Variants in TTN observed in about 807,000 individuals in gnomAD.
TTN encodes connectin.
A neutral mutation model predicts 3,223.0 loss-of-function variants in TTN; 1,525 were observed. The ratio of observed to expected loss-of-function variants is 0.47; its 90% CI spans 0.45 to 0.49. The LOEUF (loss-of-function observed/expected upper bound fraction) is 0.49, where lower values mean the gene tolerates loss of function less well. Ranked by LOEUF, TTN falls within the 20% of genes least tolerant of loss-of-function variation. The pLI is 0.00. For missense variants in TTN, 40,786 were observed against 43,424.0 expected (o/e 0.94, Z 5.40); for synonymous variants, 14,094 against 15,161.0 (o/e 0.93, Z 5.17).
At position 178,747,030 on chromosome 2, in the gene TTN, G is replaced by T. The variant is rs1261782392; in HGVS notation, c.11312-5109C>A. 8.7e-6 allele frequency: 14 copies of T among 1,613,316 alleles called. No homozygotes were observed. The South Asian group carries it at 1.4e-4, about 16-fold the overall frequency. On this transcript the variant is annotated intron_variant, in intron 47 of 362. Coordinates refer to ENST00000589042, the MANE Select transcript of TTN (RefSeq NM_001267550.2). ...GTTTTAAAAGTACCAGTGGGGTTTG[G>T]TCCTCCAGTAGGAATAGAATATCTC...
At chr2:178,793,607 A>G in intron 8 of TTN, 66 bp from the exon 9 acceptor site, 3 of 1,602,410 alleles carry the variant, frequency 1.9e-6, no homozygotes, top group Non-Finnish European at 1.7e-6. Context: ...GTTCAAGACC[A>G]GCCTCGCCAA....
chr2:178,770,994 C>T (rs2091398045), intron 34 of TTN, among the ~76,000 whole-genome samples: 2 of 152,076 alleles, frequency 1.3e-5, no homozygotes, highest in Admixed American at 1.3e-4. Context: ...AGCTGTTTCA[C>T]AGAGCTTTAA....
intron 147 of TTN, 99 bp from the exon 148 acceptor site, chr2:178,676,094 C>A: frequency 9.0e-7 from 1 of 1,115,384 alleles, no homozygotes; most frequent in East Asian, 2.6e-5. Context: ...TGTTAACAGT[C>A]GCTCAAGACA....
chr2:178,722,652 T>C lies in TTN; in HGVS notation c.22240+7A>G, dbSNP rs368101794. On this transcript the variant is annotated splice_region_variant and intron_variant, in intron 76 of 362. Transcript: ENST00000589042. ...AAGAATTTTTTTAATTTGTAAAATA[T>C]CATCACCTTGAATTCTGAACACAGT... The C allele has an allele frequency of 8.1e-6, 13 of 1,596,916 alleles. No individual in the cohort carries two copies. The highest frequency in any genetic ancestry group is 8.0e-5 in the South Asian group (7 of 87,594).
Position 178,730,387 on chromosome 2 carries a change from AAAC to A in TTN, c.18029-19_18029-17del, listed in dbSNP as rs2080230816. 6.4e-7 allele frequency: 1 copy of A among 1,561,100 alleles called. No individual in the cohort carries two copies. The highest frequency in any genetic ancestry group is 8.6e-7 in the Non-Finnish European group (1 of 1,156,668). ...TAAGGGGGTTCTGAGGTGAAAGAAA[AAAC>A]AAGCAAAAGAAAATAGGAAGTTTTA... is the stretch of plus-strand genomic sequence containing the variant. On this transcript the variant is annotated splice_polypyrimidine_tract_variant and intron_variant, in intron 61 of 362. Coordinates refer to ENST00000589042, the MANE Select transcript of TTN (RefSeq NM_001267550.2).
At position 178,556,991 on chromosome 2, in the gene TTN, G is replaced by T. The variant is rs775200192; in HGVS notation, c.88163C>A (p.Thr29388Asn). The change falls in exon 330 of 363, where the codon ACC becomes AAC. Residue 29388 changes from threonine to asparagine, a missense_variant. Thr to Asn is a moderately conservative substitution (Grantham distance 65). Coordinates refer to ENST00000589042, the MANE Select transcript of TTN (RefSeq NM_001267550.2). ...GATGAATTGAGTTTCAGTAACATTG[G>T]TGAAGCTGGCCTTGGTCCATCTGCC... ...PDGRWTKASF[T>N]NVTETQFIIS... 2 of 1,613,792 alleles carry T rather than the reference G, an allele frequency of 1.2e-6. No individual in the cohort carries two copies. Among genetic ancestry groups the T allele is most frequent in the East Asian group, 2.2e-5 (1 of 44,796 alleles).
chr2:178,720,415 C>G lies in TTN; in HGVS notation c.23347G>C (p.Asp7783His). 1 of 1,613,144 alleles carries G rather than the reference C, an allele frequency of 6.2e-7. No homozygotes were observed. The highest frequency in any genetic ancestry group is 8.5e-7 in the Non-Finnish European group (1 of 1,179,436). ...HCKATNEVGS[D>H]TCSCSVKFKE... ...AACTTGACAGAGCAAGAACACGTGT[C>G]ACTTCCCACCTCATTAGTAGCTTTG... is the stretch of plus-strand genomic sequence containing the variant. The change falls in exon 80 of 363, where the codon GAC becomes CAC. Residue 7783 changes from aspartate (D) to histidine (H), a missense_variant. Physicochemically the swap from Asp to His is moderately conservative, Grantham distance 81 (BLOSUM62 -1). Coordinates refer to ENST00000589042, the MANE Select transcript of TTN (RefSeq NM_001267550.2).
intron 165 of TTN, 134 bp downstream of exon 165, chr2:178,665,243 G>T: frequency 1.1e-6 from 1 of 910,838 alleles, no homozygotes; most frequent in Non-Finnish European, 1.7e-6. Flanking sequence ...GAAACTTCCT[G>T]TGGAACCTCA....
At position 178,601,340 on chromosome 2, in the gene TTN, C is replaced by A. The variant is rs1249794224; in HGVS notation, c.55657G>T (p.Val18553Leu). ...ATACCAAAACGGTTTTCTGCTCGCA[C>A]ACGGAAGAAATATTGCTGTTCAGAG... is the stretch of plus-strand genomic sequence containing the variant. ...LLSEQQYFFR[V>L]RAENRFGIGP... Residue 18553 changes from valine to leucine, a missense_variant, in exon 287 of 363, where the codon GTG (valine) becomes TTG (leucine). Val to Leu is a conservative substitution (Grantham distance 32). Coordinates refer to ENST00000589042, the MANE Select transcript of TTN (RefSeq NM_001267550.2). 4 of 1,610,570 alleles carry A rather than the reference C, an allele frequency of 2.5e-6. No homozygotes were observed. The highest frequency in any genetic ancestry group is 3.4e-6 in the Non-Finnish European group (4 of 1,177,826).
intron 119 of TTN, among the ~76,000 whole-genome samples, chr2:178,693,205 TTTA>T (rs2072895848): frequency 6.6e-6 from 1 of 152,096 alleles, no homozygotes; most frequent in Non-Finnish European, 1.5e-5. Flanking sequence ...GTTTTGAGTA[TTTA>T]TTAATATTTA....
Position 178,621,630 on chromosome 2 carries a change from T to C in TTN, c.45194A>G (p.Lys15065Arg), listed in dbSNP as rs776374474. The C allele has an allele frequency of 6.2e-7, 1 of 1,612,512 alleles. No individual in the cohort carries two copies. The highest frequency in any genetic ancestry group is 2.2e-5 in the East Asian group (1 of 44,664). Residue 15065 changes from lysine to arginine, a missense_variant, in exon 245 of 363, where the codon AAA becomes AGA. Lys to Arg is a conservative substitution (Grantham distance 26). Transcript: ENST00000589042. ...SKPGAEVIWYKGDEEIIETGR... is the reference protein window; with the variant it reads ...SKPGAEVIWYRGDEEIIETGR... ...TGTTTCAATGATCTCCTCATCCCCT[T>C]TATACCAAATCACTTCTGCGCCAGG...
At chr2:178,649,926 G>A in intron 210 of TTN, 32 bp from the exon 211 acceptor site, 1 of 1,591,064 alleles carries the variant, frequency 6.3e-7, no homozygotes, top group Middle Eastern at 1.7e-4. Context: ...TTAGAATTAG[G>A]TGATTACAAT....
At position 178,721,788 on chromosome 2, in the gene TTN, T is replaced by A. The variant is rs78035863; in HGVS notation, c.22816+59A>T. 1,364 of 1,434,142 alleles carry A rather than the reference T, an allele frequency of 9.5e-4. 19 individuals carry two copies. In the African/African-American group the frequency reaches 0.017, roughly 18 times the overall value. 88.8% of individuals were successfully genotyped at this position (1,434,142 alleles called of 1,614,324 possible). A position where few individuals can be genotyped will look rare whatever the true frequency, so the allele number is the denominator to read the frequency against. The stretch of plus-strand genomic sequence containing the variant: ...CATTTAAAAACCAAAGAAACTTTTA[T>A]AAGACAATTATGCAAATATGGTAAG... On this transcript the variant is annotated intron_variant, in intron 78 of 362. Transcript: ENST00000589042.
Position 178,607,697 on chromosome 2 carries a change from G to T in TTN, c.53003-12C>A, listed in dbSNP as rs760630783. 5 of 1,612,530 alleles carry T rather than the reference G, an allele frequency of 3.1e-6. No individual in the cohort carries two copies. The highest frequency in any genetic ancestry group is 2.2e-5 in the East Asian group (1 of 44,670). ...CACAGCTGGAGGCTCTGTTGAAAGAGAACAGTCATGCATTAGCCCATGAAA... is the reference window on the plus strand; with the variant it reads ...CACAGCTGGAGGCTCTGTTGAAAGATAACAGTCATGCATTAGCCCATGAAA... On this transcript the variant is annotated splice_polypyrimidine_tract_variant and intron_variant, in intron 276 of 362. Coordinates refer to ENST00000589042, the MANE Select transcript of TTN (RefSeq NM_001267550.2).
In TTN at chr2:178,608,748, G is replaced by GACA; in HGVS notation, c.52260_52262dup (p.Val17421dup). The GACA allele has an allele frequency of 6.2e-7, 1 of 1,612,608 alleles. No homozygotes were observed. The highest frequency in any genetic ancestry group is 8.5e-7 in the Non-Finnish European group (1 of 1,179,236). ...ATTTGCAATGTCTAAGTGTTGAAGT[G>GACA]ACAACAATCCATTCTGAGTCGGGTT... On this transcript the variant is annotated inframe_insertion, in exon 274 of 363. Coordinates refer to ENST00000589042, the MANE Select transcript of TTN (RefSeq NM_001267550.2).
chr2:178,778,455 C>T, intron 24 of TTN: 1 of 301,306 alleles, frequency 3.3e-6, no homozygotes, highest in South Asian at 3.5e-5. Flanking sequence ...CACATTGCAG[C>T]CAGACTGACT....
chr2:178,561,376 A>G lies in TTN; in HGVS notation c.84756T>C (p.Pro28252=). The G allele has an allele frequency of 6.2e-7, 1 of 1,613,792 alleles. No homozygotes were observed. Among genetic ancestry groups the G allele is most frequent in the South Asian group, 1.1e-5 (1 of 91,082 alleles). The change falls in exon 326 of 363, where the codon CCT becomes CCC. Residue 28252 remains proline, a synonymous_variant. Coordinates refer to ENST00000589042, the MANE Select transcript of TTN (RefSeq NM_001267550.2). ...CTTCAGGTTGTCCAGGAGGGTCACA[A>G]GGATCTCTTGCAGGGACTGGTTCAC... ...KSCEPVPARD[P]CDPPGQPEVT...
Position 178,764,158 on chromosome 2 carries a change from C to G in TTN, c.10114+19G>C, listed in dbSNP as rs781529874. 1 of 1,613,884 alleles carries G rather than the reference C, an allele frequency of 6.2e-7. No individual in the cohort carries two copies. The highest frequency in any genetic ancestry group is 8.5e-7 in the Non-Finnish European group (1 of 1,179,934). Reference sequence around the variant, plus strand: ...TATTTGTAAGTATTGGCAATGACACCTTTTGTTCTTAAACCTACCTGTTCC... The same window carrying G: ...TATTTGTAAGTATTGGCAATGACACGTTTTGTTCTTAAACCTACCTGTTCC... On this transcript the variant is annotated intron_variant, in intron 43 of 362. Coordinates refer to ENST00000589042, the MANE Select transcript of TTN (RefSeq NM_001267550.2).
Position 178,649,134 on chromosome 2 carries a change from C to A in TTN, c.40057+114G>T, listed in dbSNP as rs1046214608. 17 of 796,336 alleles carry A rather than the reference C, an allele frequency of 2.1e-5. No individual in the cohort carries two copies. In the Admixed American group the frequency reaches 4.9e-4, roughly 23 times the overall value. The allele number at this position is 796,336 out of a possible 1,614,324, so 49.3% of individuals were successfully genotyped here. A position where few individuals can be genotyped will look rare whatever the true frequency, so the allele number is the denominator to read the frequency against. ...TTTCCCTTCATTATTTCCCTTTTTT[C>A]TGTGCAATATGGTTTTAACATAAAT... is the stretch of plus-strand genomic sequence containing the variant. On this transcript the variant is annotated intron_variant, in intron 213 of 362. Coordinates refer to ENST00000589042, the MANE Select transcript of TTN (RefSeq NM_001267550.2).
Sources: allele counts gnomAD v4.1 joint callset (sites outside exome capture counted in the v4.1 genomes callset), GRCh38; gene constraint gnomAD v4.1.1; transcripts MANE v1.5; gene names NCBI Gene and HGNC (gene_info 2026-07-23, HGNC 2026-07-21).